Variants in SP2 observed in about 807,000 individuals in gnomAD.
SP2 encodes transcription factor Sp2.
In SP2, 9 loss-of-function variants were observed where a neutral mutation model predicts 50.1. The observed-to-expected ratio is 0.18, with a 90% CI of 0.11 to 0.31. The LOEUF is 0.31. SP2 is among the 10% of genes least tolerant of loss of function. The pLI is 1.00. For synonymous variants in SP2, 313 were observed against 326.6 expected (o/e 0.96, Z 0.45); for missense variants, 581 against 806.5 (o/e 0.72, Z 3.39).
intron 1 of SP2, chr17:47,898,499 C>A (rs1409203346): frequency 6.6e-6 from 1 of 152,204 alleles, no homozygotes; most frequent in African/African-American, 2.4e-5. Flanking sequence ...TGCAGCCAAC[C>A]AGTAGACCTT....
chr17:47,911,804 CAAAAA>C (rs35302370), intron 1 of SP2, among the ~76,000 whole-genome samples: 1 of 70,574 alleles, frequency 1.4e-5, no homozygotes, highest in Middle Eastern at 9.3e-3. Context: ...GACTCCGTCT[CAAAAA>C]AAAAAAAAAA....
chr17:47,928,127 A>G lies in SP2; in HGVS notation c.*303A>G. 1 of 294,022 alleles carries G rather than the reference A, an allele frequency of 3.4e-6. No individual in the cohort carries two copies. The highest frequency in any genetic ancestry group is 5.7e-5 in the South Asian group (1 of 17,596). The allele number at this position is 294,022 out of a possible 1,614,324, so 18.2% of individuals were successfully genotyped here. ...GAACCCTTATTTCCAAAGGAAAAAC[A>G]TGCATTTCACTCCGTCGAGGAGCAA... On this transcript the variant is annotated 3_prime_UTR_variant, in exon 7 of 7. Transcript: ENST00000376741.
chr17:47,921,288 A>G (rs953463705), intron 3 of SP2, among the ~76,000 whole-genome samples: 1 of 152,088 alleles, frequency 6.6e-6, no homozygotes, highest in Non-Finnish European at 1.5e-5. Context: ...TCGCTCTGTC[A>G]CCCAGGCTGG....
chr17:47,912,534 T>G (rs1308243925), intron 1 of SP2, among the ~76,000 whole-genome samples: 1 of 150,838 alleles, frequency 6.6e-6, no homozygotes, highest in Non-Finnish European at 1.5e-5. Context: ...AGCCTTGACC[T>G]CTCAGGTTCA....
intron 1 of SP2, chr17:47,897,773 T>G: frequency 1.5e-6 from 1 of 680,100 alleles, no homozygotes; most frequent in Non-Finnish European, 1.8e-6. Context: ...TGAATATAAC[T>G]GCAGTGTCTT....
chr17:47,908,079 A>G (rs1236766410), intron 1 of SP2, among the ~76,000 whole-genome samples: 2 of 152,196 alleles, frequency 1.3e-5, no homozygotes, highest in African/African-American at 4.8e-5. Context: ...TTTGAGATCT[A>G]TAGGAGTATT....
intron 1 of SP2, among the ~76,000 whole-genome samples, chr17:47,897,593 G>GAACTCAA (rs2034392030): frequency 6.6e-6 from 1 of 152,234 alleles, no homozygotes; most frequent in Non-Finnish European, 1.5e-5. Context: ...AAGGCATTCA[G>GAACTCAA]TTTCACAGTG....
chr17:47,926,012 G>A (rs573789924), intron 6 of SP2, among the ~76,000 whole-genome samples: 1 of 148,228 alleles, frequency 6.7e-6, no homozygotes, highest in African/African-American at 2.5e-5. Context: ...CACCCCTTGG[G>A]TTCAAGCAAT....
intron 1 of SP2, among the ~76,000 whole-genome samples, chr17:47,905,689 G>T (rs892637897): frequency 6.6e-6 from 1 of 152,176 alleles, no homozygotes; most frequent in African/African-American, 2.4e-5. Flanking sequence ...TAGAAAGACC[G>T]TGGGACAGGG....
intron 1 of SP2, among the ~76,000 whole-genome samples, chr17:47,912,017 A>G (rs2035010121): frequency 1.3e-5 from 2 of 152,182 alleles, no homozygotes; most frequent in South Asian, 4.1e-4. Context: ...TTTGTTCACA[A>G]GAATATTATG....
chr17:47,917,276 C>T, intron 3 of SP2, 146 bp downstream of exon 3: 1 of 742,778 alleles, frequency 1.3e-6, no homozygotes, highest in Non-Finnish European at 2.2e-6. Context: ...GCCGTTTCTA[C>T]CTGACAAATG....
rs777217316 is a variant in SP2 at position 47,924,961 on chromosome 17, T to G, written c.1415T>G (p.Leu472Arg). 1 of 1,612,848 alleles carries G rather than the reference T, an allele frequency of 6.2e-7. No homozygotes were observed. The highest frequency in any genetic ancestry group is 8.5e-7 in the Non-Finnish European group (1 of 1,179,062). The change falls in exon 5 of 7, where the codon CTG becomes CGG. Residue 472 changes from leucine to arginine, a missense_variant. Physicochemically the swap from Leu to Arg is moderately radical, Grantham distance 102. Coordinates refer to ENST00000376741, the MANE Select transcript of SP2 (RefSeq NM_003110.6). ...LTVQNVSGNN[L>R]TISGLSPTQI... Reference sequence around the variant, plus strand: ...GTGCAGAATGTTTCTGGGAACAACCTGACCATCAGTGGGCTGAGCCCCACC... The same window carrying G: ...GTGCAGAATGTTTCTGGGAACAACCGGACCATCAGTGGGCTGAGCCCCACC...
In SP2 at chr17:47,928,544, T is replaced by C. The variant is rs1346868052; in HGVS notation, c.*720T>C. 6.5e-6 allele frequency: 1 copy of C among 152,808 alleles called. No homozygotes were observed. The highest frequency in any genetic ancestry group is 1.5e-5 in the Non-Finnish European group (1 of 68,036). The allele number at this position is 152,808 out of a possible 1,614,324, so 9.5% of individuals were successfully genotyped here. ...CCTGATGCCTGCTTTCAGTTGAGGG[T>C]TGGGGGCAATGATGAGCATATGAAT... On this transcript the variant is annotated 3_prime_UTR_variant, in exon 7 of 7. Transcript: ENST00000376741.
intron 1 of SP2, among the ~76,000 whole-genome samples, chr17:47,906,395 G>T (rs537845199): frequency 6.6e-6 from 1 of 152,302 alleles, no homozygotes; most frequent in Non-Finnish European, 1.5e-5. Flanking sequence ...GCCAGGCCTT[G>T]GTGTCTGCAG....
rs2035742032 is a variant in SP2, at chr17:47,928,453, T to C, written c.*629T>C. On this transcript the variant is annotated 3_prime_UTR_variant, in exon 7 of 7. Transcript: ENST00000376741. Reference sequence around the variant, plus strand: ...TCTACTTCAGATGATGAACACTGTGTACTGTGTGTGCTTTAAAGAAGTTTT... The same window carrying C: ...TCTACTTCAGATGATGAACACTGTGCACTGTGTGTGCTTTAAAGAAGTTTT... 6.5e-6 allele frequency: 1 copy of C among 153,014 alleles called. No individual in the cohort carries two copies. 9.5% of individuals were successfully genotyped at this position (153,014 alleles called of 1,614,324 possible).
At chr17:47,926,644 G>A (rs190959720) in intron 6 of SP2, among the ~76,000 whole-genome samples, 209 of 152,166 alleles carry the variant, frequency 1.4e-3, no homozygotes, top group Non-Finnish European at 2.7e-3. Flanking sequence ...ATTGATCCAA[G>A]CTGGGCACAG....
Position 47,917,135 on chromosome 17 carries a change from C to G in SP2, c.1059+5C>G, listed in dbSNP as rs1283991056. 1 of 1,602,798 alleles carries G rather than the reference C, an allele frequency of 6.2e-7. No homozygotes were observed. Among genetic ancestry groups the G allele is most frequent in the South Asian group, 1.1e-5 (1 of 88,866 alleles). On this transcript the variant is annotated splice_donor_5th_base_variant and intron_variant, in intron 3 of 6. Coordinates refer to ENST00000376741, the MANE Select transcript of SP2 (RefSeq NM_003110.6). ...GCTGAGCCGACACCTACTCAGGTAC[C>G]ACACTCCCTGTACTGTCCTCCTTCT... is the stretch of plus-strand genomic sequence containing the variant.
Position 47,927,859 on chromosome 17 carries a change from C to A in SP2, c.*35C>A. The A allele has an allele frequency of 7.8e-7, 1 of 1,285,106 alleles. No homozygotes were observed. Among genetic ancestry groups the A allele is most frequent in the Non-Finnish European group, 1.1e-6 (1 of 901,200 alleles). 79.6% of individuals were successfully genotyped at this position (1,285,106 alleles called of 1,614,324 possible). On this transcript the variant is annotated 3_prime_UTR_variant, in exon 7 of 7. Transcript: ENST00000376741. ...CGGCGGGAGGCCCTGAAGATGCAGTCCCCCACCTGTGTCCTCCCTGGGCCC... is the reference window on the plus strand; with the variant it reads ...CGGCGGGAGGCCCTGAAGATGCAGTACCCCACCTGTGTCCTCCCTGGGCCC...
intron 3 of SP2, among the ~76,000 whole-genome samples, chr17:47,921,469 A>G (rs1252986486): frequency 6.6e-6 from 1 of 152,104 alleles, no homozygotes; most frequent in African/African-American, 2.4e-5. Context: ...CCAAGCTGGT[A>G]TTGAACCACT....
Sources: allele counts gnomAD v4.1 joint callset (sites outside exome capture counted in the v4.1 genomes callset), GRCh38; gene constraint gnomAD v4.1.1; transcripts MANE v1.5; gene names NCBI Gene and HGNC (gene_info 2026-07-23, HGNC 2026-07-21).